Variants in BCAP29 observed in about 807,000 individuals in gnomAD.
BCAP29 encodes B cell receptor associated protein 29.
BCAP29 carries 34 observed loss-of-function variants against 31.8 expected under a neutral mutation model. That is an observed-to-expected ratio of 1.07 (90% CI 0.81 to 1.42). BCAP29 has a LOEUF of 1.42. Ranked by LOEUF, BCAP29 falls within the 40% of genes most tolerant of loss-of-function variation. The pLI, the probability that BCAP29 is intolerant of heterozygous loss-of-function variation, is 0.00. For synonymous variants in BCAP29, 104 were observed against 91.3 expected, an observed-to-expected ratio of 1.14 and a Z score of -0.79; for missense variants, 314 against 269.2, an observed-to-expected ratio of 1.17 and a Z score of -1.16.
intron 3 of BCAP29, chr7:107,587,598 A>C (rs1807939277): frequency 6.6e-6 from 1 of 152,144 alleles, no homozygotes; most frequent in Non-Finnish European, 1.5e-5. Context: ...AGGCAATCTG[A>C]GAAATGACAA....
intron 3 of BCAP29, among the ~76,000 whole-genome samples, chr7:107,586,342 C>T (rs1288688656): frequency 6.6e-6 from 1 of 152,138 alleles, no homozygotes; most frequent in East Asian, 1.9e-4. Flanking sequence ...TACCAGTTAT[C>T]TACTCCTCAT....
intron 7 of BCAP29, among the ~76,000 whole-genome samples, chr7:107,617,412 A>G (rs1814384349): frequency 6.6e-6 from 1 of 152,158 alleles, no homozygotes; most frequent in Admixed American, 6.5e-5. Context: ...CTAAATAAAT[A>G]TTAGAAAACA....
chr7:107,616,101 G>T (rs1050713208), intron 7 of BCAP29, among the ~76,000 whole-genome samples: 1 of 152,138 alleles, frequency 6.6e-6, no homozygotes, highest in African/African-American at 2.4e-5. Context: ...TGGGAGGCCC[G>T]TTTCCAAGGC....
Position 107,596,110 on chromosome 7 carries a change from G to A in BCAP29, c.480+108G>A, listed in dbSNP as rs980246261. 6.3e-6 allele frequency: 6 copies of A among 950,604 alleles called. No homozygotes were observed. In the Admixed American group the frequency reaches 1.7e-4, roughly 27 times the overall value. The allele number at this position is 950,604 out of a possible 1,614,324, so 58.9% of individuals were successfully genotyped here. ...TTTTTATATTTTATAAGCAGAAAAT[G>A]ACCATAATTAACAATATTTTATGTA... On this transcript the variant is annotated intron_variant, in intron 5 of 7. Coordinates refer to ENST00000005259, the MANE Select transcript of BCAP29 (RefSeq NM_018844.4).
chr7:107,590,228 T>C (rs1295556183), intron 3 of BCAP29, among the ~76,000 whole-genome samples: 2 of 152,202 alleles, frequency 1.3e-5, no homozygotes, highest in Non-Finnish European at 2.9e-5. Flanking sequence ...ACCCATTATA[T>C]TGAATATTGA....
intron 3 of BCAP29, among the ~76,000 whole-genome samples, chr7:107,591,086 A>G (rs1286485231): frequency 6.6e-6 from 1 of 152,150 alleles, no homozygotes; most frequent in Non-Finnish European, 1.5e-5. Context: ...CAACAGCTCT[A>G]TACAGAAAAC....
chr7:107,607,231 C>T (rs752358506), intron 6 of BCAP29, among the ~76,000 whole-genome samples: 23 of 152,318 alleles, frequency 1.5e-4, no homozygotes, highest in African/African-American at 3.4e-4. Flanking sequence ...GCAGAAGAAT[C>T]GCTTGAGCCT....
At chr7:107,602,405 G>A (rs1359430606) in intron 6 of BCAP29, among the ~76,000 whole-genome samples, 1 of 152,074 alleles carries the variant, frequency 6.6e-6, no homozygotes, top group Non-Finnish European at 1.5e-5. Flanking sequence ...TCAATTAATA[G>A]TGCATGATTT....
At chr7:107,587,380 A>T (rs1266161395) in intron 3 of BCAP29, 2 of 152,228 alleles carry the variant, frequency 1.3e-5, no homozygotes, top group African/African-American at 4.8e-5. Context: ...GACATTAATA[A>T]ACCTTTTTAA....
rs577117489 is a variant in BCAP29, at chr7:107,584,430, C to A, written c.193+448C>A. ...GACTGGATTAAAAAATAAACATGGC[C>A]GGGCGAGGTGGCTCAGGCCTGTAAT... On this transcript the variant is annotated intron_variant, in intron 3 of 7. Transcript: ENST00000005259. Among the ~76,000 whole-genome samples, 6 of 152,260 alleles carry A rather than the reference C, an allele frequency of 3.9e-5. No individual in the cohort carries two copies. The South Asian group carries it at 1.2e-3, about 32-fold the overall frequency.
rs1563134293 is a variant in BCAP29 at position 107,599,313 on chromosome 7, A to ATAAATTT, written c.481-1082_481-1081insAATTTTA. On this transcript the variant is annotated intron_variant, in intron 5 of 7. Coordinates refer to ENST00000005259, the MANE Select transcript of BCAP29 (RefSeq NM_018844.4). ...TATATAAATTATATATAAATTTTAT[A>ATAAATTT]TATATATATATAAATATATATATGC... is the stretch of plus-strand genomic sequence containing the variant. Among the ~76,000 whole-genome samples, 171 of 110,164 alleles carry ATAAATTT rather than the reference A, an allele frequency of 1.6e-3. 1 individual carries two copies. Among genetic ancestry groups the ATAAATTT allele is most frequent in the East Asian group, 5.7e-3 (20 of 3,518 alleles). The allele number at this position is 110,164 out of a possible 152,430, so 72.3% of individuals were successfully genotyped here. A position where few individuals can be genotyped will look rare whatever the true frequency, so the allele number is the denominator to read the frequency against.
At chr7:107,580,946 A>G (rs1290591574) in intron 2 of BCAP29, 82 bp downstream of exon 2, 2 of 999,476 alleles carry the variant, frequency 2.0e-6, no homozygotes, top group Non-Finnish European at 2.9e-6. Context: ...AACATTAAAA[A>G]GTTTCGAAAG....
At chr7:107,592,353 C>G (rs1363930533) in intron 3 of BCAP29, among the ~76,000 whole-genome samples, 1 of 152,114 alleles carries the variant, frequency 6.6e-6, no homozygotes, top group African/African-American at 2.4e-5. Context: ...ACAGCATTAG[C>G]TATCAGAGAA....
chr7:107,612,636 C>A (rs929075461), intron 6 of BCAP29, among the ~76,000 whole-genome samples: 30 of 151,634 alleles, frequency 2.0e-4, no homozygotes, highest in African/African-American at 7.3e-4. Flanking sequence ...ATGGAAAAAC[C>A]AGTGAGGGAC....
downstream of BCAP29, chr7:107,621,209 A>C (rs1466755754): frequency 6.2e-6 from 1 of 160,890 alleles, no homozygotes; most frequent in Non-Finnish European, 1.4e-5. Context: ...CAATGTGTGA[A>C]TATAACCGTG....
intron 5 of BCAP29, among the ~76,000 whole-genome samples, chr7:107,597,110 A>G (rs937162636): frequency 6.6e-6 from 1 of 152,214 alleles, no homozygotes. Flanking sequence ...CTAATTGACC[A>G]ATAAAGTGAC....
intron 6 of BCAP29, among the ~76,000 whole-genome samples, chr7:107,612,938 C>T (rs191082846): frequency 1.3e-5 from 2 of 152,168 alleles, no homozygotes; most frequent in African/African-American, 4.8e-5. Flanking sequence ...GTATCCTGGA[C>T]TAGCAGTGGA....
intron 7 of BCAP29, among the ~76,000 whole-genome samples, chr7:107,616,572 C>A (rs1402292727): frequency 6.6e-6 from 1 of 152,096 alleles, no homozygotes; most frequent in Non-Finnish European, 1.5e-5. Flanking sequence ...AAAATTAAAC[C>A]AGATCCTGTA....
At chr7:107,594,424 G>A (rs1007704653) in intron 4 of BCAP29, among the ~76,000 whole-genome samples, 19 of 151,168 alleles carry the variant, frequency 1.3e-4, no homozygotes, top group Non-Finnish European at 2.5e-4. Context: ...CTGGCCTCAA[G>A]TGATCCTCCC....
Sources: allele counts gnomAD v4.1 joint callset (sites outside exome capture counted in the v4.1 genomes callset), GRCh38; gene constraint gnomAD v4.1.1; transcripts MANE v1.5; gene names NCBI Gene and HGNC (gene_info 2026-07-23, HGNC 2026-07-21).